CCDC171: variants seen among roughly 807,000 people sequenced by gnomAD.
CCDC171 encodes coiled-coil domain containing 171, also known as coiled-coil domain-containing protein 171.
CCDC171 carries 177 observed loss-of-function variants against 168.2 expected under a neutral mutation model. That is an observed-to-expected ratio of 1.05 (90% confidence interval 0.93 to 1.19). The LOEUF (loss-of-function observed/expected upper bound fraction) is 1.19, where lower values mean the gene tolerates loss of function less well. Ranked by LOEUF, CCDC171 falls within the 50% of genes most tolerant of loss-of-function variation. CCDC171 has a pLI of 0.00. For missense variants in CCDC171, 1,991 were observed against 1,539.0 expected, an observed-to-expected ratio of 1.29 and a Z score of -4.91; for synonymous variants, 687 against 540.8, an observed-to-expected ratio of 1.27 and a Z score of -3.75.
At chr9:15,944,161 C>T (rs1023649340) in intron 25 of CCDC171, among the ~76,000 whole-genome samples, 2 of 151,970 alleles carry the variant, frequency 1.3e-5, no homozygotes, top group African/African-American at 4.8e-5. Flanking sequence ...TTGTAAGATT[C>T]AGAAAAGTTG....
At chr9:15,729,025 A>G (rs996900987) in intron 15 of CCDC171, among the ~76,000 whole-genome samples, 64 of 152,172 alleles carry the variant, frequency 4.2e-4, no homozygotes, top group African/African-American at 1.5e-3. Context: ...GCTATTCTTG[A>G]TTGTGAATGT....
At chr9:15,947,797 G>T (rs1258295546) in intron 25 of CCDC171, among the ~76,000 whole-genome samples, 1 of 151,192 alleles carries the variant, frequency 6.6e-6, no homozygotes, top group East Asian at 2.0e-4. Context: ...ATACAAGTAT[G>T]CTTCCATATT....
the CCDC171 span, among the ~76,000 whole-genome samples, chr9:16,098,304 T>C: frequency 6.6e-6 from 1 of 152,158 alleles, no homozygotes; most frequent in Admixed American, 6.5e-5. Context: ...GTTTAAAATG[T>C]AGTGGGTCAA....
At chr9:15,843,134 G>T (rs550855085) in intron 21 of CCDC171, among the ~76,000 whole-genome samples, 14 of 151,896 alleles carry the variant, frequency 9.2e-5, no homozygotes, top group African/African-American at 3.1e-4. Flanking sequence ...GAAAGCATTG[G>T]TTTTTTCTTC....
intron 1 of CCDC171, among the ~76,000 whole-genome samples, chr9:15,555,107 C>G (rs559421832): frequency 6.6e-6 from 1 of 152,234 alleles, no homozygotes; most frequent in East Asian, 1.9e-4. Context: ...AAAGTAGATT[C>G]GCCTTTCTGG....
chr9:15,705,090 C>CCACACACACA (rs1564250351), intron 11 of CCDC171, among the ~76,000 whole-genome samples: 1 of 32,196 alleles, frequency 3.1e-5, no homozygotes, highest in East Asian at 2.4e-3. Flanking sequence ...AGTATCCTTA[C>CCACACACACA]GACACACACA....
chr9:15,906,477 T>G (rs1003391194), intron 24 of CCDC171, among the ~76,000 whole-genome samples: 3 of 152,192 alleles, frequency 2.0e-5, no homozygotes, highest in African/African-American at 7.2e-5. Context: ...GGACAACGCT[T>G]CATGCTAAAA....
intron 21 of CCDC171, among the ~76,000 whole-genome samples, chr9:15,839,815 A>G (rs9406543): frequency 0.94 from 143,437 of 152,264 alleles, 67,594 homozygotes; most frequent in East Asian, 0.99. Flanking sequence ...CCCCATGGAC[A>G]TACTTCTAAA....
intron 8 of CCDC171, among the ~76,000 whole-genome samples, chr9:15,660,915 T>A (rs2048265281): frequency 6.6e-6 from 1 of 152,236 alleles, no homozygotes. Context: ...CCGCAGTGGC[T>A]GAACTAATTT....
At chr9:15,687,784 A>G (rs1024538311) in intron 10 of CCDC171, among the ~76,000 whole-genome samples, 10 of 152,206 alleles carry the variant, frequency 6.6e-5, no homozygotes, top group Non-Finnish European at 4.4e-5. Context: ...TTTAAAATGG[A>G]CAACTTTCTA....
chr9:15,689,208 T>C (rs1337631973), intron 10 of CCDC171, among the ~76,000 whole-genome samples: 1 of 152,190 alleles, frequency 6.6e-6, no homozygotes, highest in Non-Finnish European at 1.5e-5. Context: ...GGAAAGAAAT[T>C]AAACAAGGTC....
chr9:16,064,914 C>A (rs1833975394), downstream of CCDC171, among the ~76,000 whole-genome samples: 1 of 152,234 alleles, frequency 6.6e-6, no homozygotes, highest in African/African-American at 2.4e-5. Flanking sequence ...AGATGACACA[C>A]AACACCGCCC....
At chr9:15,746,969 G>T (rs1214786131) in intron 18 of CCDC171, among the ~76,000 whole-genome samples, 1 of 152,196 alleles carries the variant, frequency 6.6e-6, no homozygotes, top group Non-Finnish European at 1.5e-5. Flanking sequence ...GGCTCGGCGG[G>T]TCCCATGCCC....
At chr9:15,874,257 A>C (rs1444869549) in intron 23 of CCDC171, among the ~76,000 whole-genome samples, 1 of 152,042 alleles carries the variant, frequency 6.6e-6, no homozygotes, top group Non-Finnish European at 1.5e-5. Flanking sequence ...ACTGTGAAAA[A>C]ATAATTCAAA....
chr9:15,695,073 A>G (rs2051112972), intron 10 of CCDC171, among the ~76,000 whole-genome samples, 162 bp from the exon 11 acceptor site: 1 of 152,242 alleles, frequency 6.6e-6, no homozygotes, highest in Non-Finnish European at 1.5e-5. Context: ...GTGTTACATT[A>G]AGCCAAGTAA....
chr9:15,713,172 C>T (rs917216555), intron 11 of CCDC171, among the ~76,000 whole-genome samples: 1 of 152,214 alleles, frequency 6.6e-6, no homozygotes, highest in Non-Finnish European at 1.5e-5. Context: ...GTCACATCCA[C>T]TACTTGACGT....
intron 1 of CCDC171, among the ~76,000 whole-genome samples, chr9:16,055,836 A>C (rs962389915): frequency 1.3e-5 from 2 of 152,282 alleles, no homozygotes; most frequent in Non-Finnish European, 2.9e-5. Context: ...GTTAGGAACT[A>C]TTGCAGAATG....
the CCDC171 span, among the ~76,000 whole-genome samples, chr9:16,102,488 T>TGGGGGG: frequency 4.0e-5 from 2 of 50,076 alleles, no homozygotes; most frequent in African/African-American, 5.7e-5. Context: ...AAACGTGTGT[T>TGGGGGG]GGGGGGGGGC....
chr9:15,705,297 A>T lies in CCDC171; in HGVS notation c.1318+9960A>T, dbSNP rs193038790. The stretch of plus-strand genomic sequence containing the variant: ...TGGACGGAAACTACAACAACAAAAA[A>T]CCTAAGTTAGAGTGTGTCATTCCTT... On this transcript the variant is annotated intron_variant, in intron 11 of 25. Transcript: ENST00000380701. Among the ~76,000 whole-genome samples, 15 of 152,290 alleles carry T rather than the reference A, an allele frequency of 9.8e-5. No individual in the cohort carries two copies. In the East Asian group the frequency reaches 2.7e-3, roughly 27 times the overall value.
Sources: gnomAD v4.1 joint callset for allele counts (sites outside exome capture counted in the v4.1 genomes callset) on GRCh38, gnomAD v4.1.1 for gene constraint, MANE v1.5 for transcripts, NCBI Gene and HGNC (gene_info 2026-07-23, HGNC 2026-07-21) for gene names.